Variants in C4orf36 observed in about 807,000 individuals in gnomAD.
C4orf36 encodes chromosome 4 open reading frame 36, also known as uncharacterized protein C4orf36.
A neutral mutation model predicts 12.2 loss-of-function variants in C4orf36; 11 were observed. That is an observed-to-expected ratio of 0.90 (90% CI 0.57 to 1.49). The LOEUF (loss-of-function observed/expected upper bound fraction) is 1.49, where lower values mean the gene tolerates loss of function less well. Among genes scored for constraint, C4orf36 ranks in the 40% most tolerant of loss-of-function variants. C4orf36 has a pLI of 0.00. For synonymous variants in C4orf36, 54 were observed against 51.3 expected (o/e 1.05, Z -0.22); for missense variants, 137 against 133.9 (o/e 1.02, Z -0.11).
At chr4:86,886,060 T>C (rs915898435) in intron 4 of C4orf36, among the ~76,000 whole-genome samples, 2 of 152,202 alleles carry the variant, frequency 1.3e-5, no homozygotes, top group African/African-American at 4.8e-5. Flanking sequence ...CACTTGATCA[T>C]GGTGGATAAG....
chr4:86,922,066 A>G, the C4orf36 span, among the ~76,000 whole-genome samples: 1 of 152,256 alleles, frequency 6.6e-6, no homozygotes, highest in East Asian at 1.9e-4. Flanking sequence ...GGAACCAGTA[A>G]GATGTTACAA....
the C4orf36 span, chr4:86,934,969 T>G: frequency 1.8e-4 from 28 of 151,898 alleles, no homozygotes; most frequent in African/African-American, 6.5e-4. Flanking sequence ...GCGGAGGGCG[T>G]GGCCTCGGGG....
intron 4 of C4orf36, among the ~76,000 whole-genome samples, chr4:86,879,847 G>T (rs1245885539): frequency 1.2e-5 from 1 of 80,422 alleles, no homozygotes; most frequent in East Asian, 4.0e-4. Flanking sequence ...AGTTTGTTTT[G>T]TTTCTTTTTT....
At chr4:86,910,446 T>C in the C4orf36 span, among the ~76,000 whole-genome samples, 1 of 152,154 alleles carries the variant, frequency 6.6e-6, no homozygotes, top group Non-Finnish European at 1.5e-5. Flanking sequence ...TAAAATGTTT[T>C]TAATGGCAGA....
chr4:86,923,773 A>G, the C4orf36 span, among the ~76,000 whole-genome samples: 2 of 152,026 alleles, frequency 1.3e-5, no homozygotes, highest in African/African-American at 4.8e-5. Context: ...CAAAAAAAAA[A>G]AAAAAAAAAA....
the C4orf36 span, among the ~76,000 whole-genome samples, chr4:86,902,236 C>T: frequency 2.6e-5 from 4 of 152,056 alleles, no homozygotes; most frequent in African/African-American, 7.2e-5. Flanking sequence ...GCCTGGGCAA[C>T]GTAGTGAAAC....
chr4:86,891,973 C>A, intron 1 of C4orf36: 1 of 996,344 alleles, frequency 1.0e-6, no homozygotes, highest in South Asian at 4.3e-5. Flanking sequence ...TTGAGCAGAG[C>A]AATCCTTCCC....
At chr4:86,920,891 T>G in the C4orf36 span, among the ~76,000 whole-genome samples, 141,472 of 152,032 alleles carry the variant, frequency 0.93, 66,468 homozygotes, top group Non-Finnish European at 1. Flanking sequence ...CAGCACTTTG[T>G]GGGGCCGGGG....
At chr4:86,901,077 TG>T in the C4orf36 span, among the ~76,000 whole-genome samples, 1 of 150,956 alleles carries the variant, frequency 6.6e-6, no homozygotes, top group East Asian at 2.0e-4. Flanking sequence ...CTCTGTCTCC[TG>T]GGTTCAAGTG....
the C4orf36 span, among the ~76,000 whole-genome samples, chr4:86,903,370 G>C: frequency 6.6e-6 from 1 of 152,200 alleles, no homozygotes; most frequent in Non-Finnish European, 1.5e-5. Context: ...AATTAGCTGG[G>C]TGTGGTGGTG....
chr4:86,919,711 C>A, the C4orf36 span, among the ~76,000 whole-genome samples: 1 of 152,088 alleles, frequency 6.6e-6, no homozygotes, highest in Non-Finnish European at 1.5e-5. Flanking sequence ...AAAGTAGCCA[C>A]ACAGATCCTA....
At chr4:86,887,731 A>G in intron 4 of C4orf36, 27 bp downstream of exon 4, 1 of 1,613,786 alleles carries the variant, frequency 6.2e-7, no homozygotes, top group Non-Finnish European at 8.5e-7. Context: ...TGCAAGACAC[A>G]GAGTACAGAT....
the C4orf36 span, among the ~76,000 whole-genome samples, chr4:86,915,039 T>C: frequency 6.6e-6 from 1 of 152,156 alleles, no homozygotes; most frequent in African/African-American, 2.4e-5. Context: ...TTAATCTTCC[T>C]GTATATGACC....
At chr4:86,900,400 G>A in the C4orf36 span, among the ~76,000 whole-genome samples, 3 of 152,146 alleles carry the variant, frequency 2.0e-5, no homozygotes, top group Non-Finnish European at 4.4e-5. Context: ...AAATTAATGT[G>A]TTGAGATCCT....
the C4orf36 span, among the ~76,000 whole-genome samples, chr4:86,906,286 C>A: frequency 6.6e-6 from 1 of 152,130 alleles, no homozygotes; most frequent in Admixed American, 6.5e-5. Context: ...GCTTTTATGG[C>A]CTTTAATGTA....
chr4:86,907,596 G>A, the C4orf36 span, among the ~76,000 whole-genome samples: 1 of 152,114 alleles, frequency 6.6e-6, no homozygotes, highest in Non-Finnish European at 1.5e-5. Context: ...GTATTTTCAT[G>A]AGGAAACACA....
chr4:86,934,519 T>C, the C4orf36 span: 1 of 152,142 alleles, frequency 6.6e-6, no homozygotes, highest in African/African-American at 2.4e-5. Context: ...ATTTGGGAAA[T>C]GGGAACAATA....
At chr4:86,918,199 T>C in the C4orf36 span, among the ~76,000 whole-genome samples, 1 of 152,214 alleles carries the variant, frequency 6.6e-6, no homozygotes, top group East Asian at 1.9e-4. Context: ...TTCCAAATAC[T>C]ATCACCTTGG....
chr4:86,897,598 C>A, the C4orf36 span, among the ~76,000 whole-genome samples: 8 of 152,198 alleles, frequency 5.3e-5, no homozygotes, highest in African/African-American at 1.9e-4. Flanking sequence ...GAGTGGGTTT[C>A]TATACCTTAG....
Sources: allele counts gnomAD v4.1 joint callset (sites outside exome capture counted in the v4.1 genomes callset), GRCh38; gene constraint gnomAD v4.1.1; transcripts MANE v1.5; gene names NCBI Gene and HGNC (gene_info 2026-07-23, HGNC 2026-07-21).